The following SHBG variants were observed in gnomAD, a reference collection of about 807,000 sequenced individuals.
SHBG encodes the protein sex hormone-binding globulin.
A neutral mutation model predicts 41.9 loss-of-function variants in SHBG; 37 were observed. The ratio of observed to expected loss-of-function variants is 0.88; its 90% CI spans 0.68 to 1.16. SHBG has a LOEUF of 1.16. Ranked by LOEUF, SHBG falls within the 50% of genes most tolerant of loss-of-function variation. SHBG has a pLI of 0.00. For synonymous variants in SHBG, 217 were observed against 205.8 expected (o/e 1.05, Z -0.47); for missense variants, 466 against 499.9 (o/e 0.93, Z 0.65).
At chr17:7,627,409 T>C (rs151060795), upstream of SHBG, 2 of 1,614,080 alleles carry the variant, frequency 1.2e-6, no homozygotes, top group Non-Finnish European at 1.7e-6. The surrounding 1 kb of genome is among the most constrained non-coding windows in gnomAD (Gnocchi z 4.8). Flanking sequence ...CGAATTCGGC[T>C]AGCTCCTAAG....
rs755347994 is a variant in SHBG at position 7,632,784 on chromosome 17, GC to G, written c.886del (p.Leu296TrpfsTer13). Reference sequence around the variant, plus strand: ...TGTTGTCTTCTGGGTCGGGGCCAGGGCTGGATCTGCCCCTGGTCTTGGGACT... The same window carrying G: ...TGTTGTCTTCTGGGTCGGGGCCAGGGTGGATCTGCCCCTGGTCTTGGGACT... ...VVLSSGSGPG[L>X]DLPLVLGLPL... On this transcript the variant is annotated frameshift_variant, in exon 7 of 8. Transcript: ENST00000380450. LOFTEE classifies it high-confidence loss of function. The G allele has an allele frequency of 1.2e-6, 2 of 1,614,018 alleles. No homozygotes were observed. Among genetic ancestry groups the G allele is most frequent in the East Asian group, 4.5e-5 (2 of 44,888 alleles).
At chr17:7,621,690 T>C (rs1336590032) in intron 1 of SHBG, among the ~76,000 whole-genome samples, 1 of 137,336 alleles carries the variant, frequency 7.3e-6, no homozygotes, top group African/African-American at 2.8e-5. Context: ...ATAAAGTACA[T>C]AATGTATATC....
chr17:7,614,167 T>C, intron 1 of SHBG: 1 of 644,658 alleles, frequency 1.6e-6, no homozygotes, highest in Admixed American at 2.1e-5. Context: ...TAAAGGGGTC[T>C]CTCCTGCGGA....
At chr17:7,629,092 G>A (rs1452003589), upstream of SHBG, among the ~76,000 whole-genome samples, 1 of 151,714 alleles carries the variant, frequency 6.6e-6, no homozygotes, top group Non-Finnish European at 1.5e-5. Flanking sequence ...GTCAGGGAGG[G>A]TCGGGCCTTG....
upstream of SHBG, among the ~76,000 whole-genome samples, chr17:7,629,587 G>A (rs543287952): frequency 8.5e-5 from 13 of 152,092 alleles, no homozygotes; most frequent in South Asian, 2.7e-3. Flanking sequence ...GAAAAGACTG[G>A]GGGAGGAGTT....
chr17:7,625,985 C>T (rs192641154), upstream of SHBG, among the ~76,000 whole-genome samples: 2 of 150,928 alleles, frequency 1.3e-5, no homozygotes, highest in African/African-American at 4.9e-5. Flanking sequence ...GGACGGATCA[C>T]GAGATCAGGA....
chr17:7,631,195 T>C lies in SHBG; in HGVS notation c.394-5T>C. On this transcript the variant is annotated splice_region_variant and splice_polypyrimidine_tract_variant and intron_variant, in intron 3 of 7. Coordinates refer to ENST00000380450, the MANE Select transcript of SHBG (RefSeq NM_001040.5). ...CCTCTGATTTTGCTTCCCACCTTCC[T>C]GCAGGTGGAAGTCAAGATGGAGGGG... The C allele has an allele frequency of 1.9e-6, 3 of 1,546,188 alleles. No individual in the cohort carries two copies. The highest frequency in any genetic ancestry group is 2.6e-6 in the Non-Finnish European group (3 of 1,144,098).
rs1212562557 is a variant in SHBG at position 7,630,156 on chromosome 17, G to A, written c.-17G>A. 1.2e-6 allele frequency: 2 copies of A among 1,604,544 alleles called. No individual in the cohort carries two copies. The highest frequency in any genetic ancestry group is 2.7e-5 in the African/African-American group (2 of 74,882). On this transcript the variant is annotated 5_prime_UTR_variant, in exon 1 of 8. The change creates a new upstream start codon in the 5' untranslated region. Coordinates refer to ENST00000380450, the MANE Select transcript of SHBG (RefSeq NM_001040.5). The surrounding 1 kb of genome is among the most constrained non-coding windows in gnomAD (Gnocchi z 4.6). ...TCCCAAGAGTTGTCTGAGCCGCCGAGTGGACAGTGGCTGATTATGGAGAGC... is the reference window on the plus strand; with the variant it reads ...TCCCAAGAGTTGTCTGAGCCGCCGAATGGACAGTGGCTGATTATGGAGAGC...
chr17:7,632,176 G>A, intron 6 of SHBG, 161 bp downstream of exon 6: 2 of 792,412 alleles, frequency 2.5e-6, no homozygotes, highest in South Asian at 1.6e-5. Flanking sequence ...GCCAGGCATG[G>A]TGGTGCTTGC....
intron 1 of SHBG, among the ~76,000 whole-genome samples, chr17:7,621,156 G>A (rs1435364567): frequency 8.8e-6 from 1 of 113,974 alleles, no homozygotes; most frequent in Admixed American, 8.4e-5. Flanking sequence ...AGCTCAGTTG[G>A]TTAGAGCCAG....
In SHBG at chr17:7,632,034, GCATTGCCTGTATTCA is replaced by G; in HGVS notation, c.852+20_852+34del. The G allele has an allele frequency of 6.2e-7, 1 of 1,611,548 alleles. No individual in the cohort carries two copies. On this transcript the variant is annotated intron_variant, in intron 6 of 7. Transcript: ENST00000380450. ...AGATCAAGTAAAGGGGGACAGTGGG[GCATTGCCTGTATTCA>G]GTGGAGCCTGGAGCAATGAGGGAAG...
At chr17:7,617,149 A>T (rs1487172773) in intron 1 of SHBG, among the ~76,000 whole-genome samples, 4 of 147,880 alleles carry the variant, frequency 2.7e-5, no homozygotes, top group African/African-American at 9.9e-5. Flanking sequence ...ATTTACTTTT[A>T]TTTTTTTTTT....
intron 1 of SHBG, among the ~76,000 whole-genome samples, chr17:7,618,103 CA>C (rs1445221250): frequency 6.6e-6 from 1 of 151,904 alleles, no homozygotes; most frequent in African/African-American, 2.4e-5. Context: ...CCTGTAATCC[CA>C]ACTACTCAGG....
At chr17:7,617,539 G>A (rs2072015851) in intron 1 of SHBG, among the ~76,000 whole-genome samples, 1 of 152,024 alleles carries the variant, frequency 6.6e-6, no homozygotes, top group African/African-American at 2.4e-5. Context: ...GGAGGCAGAG[G>A]TTGCAGTGAG....
intron 1 of SHBG, chr17:7,614,214 A>G: frequency 1.5e-6 from 1 of 680,900 alleles, no homozygotes. Context: ...AATGGCCTGA[A>G]GTTCATTCTC....
At chr17:7,627,138 C>T (rs746196799), upstream of SHBG, 5 of 1,613,990 alleles carry the variant, frequency 3.1e-6, no homozygotes, top group Non-Finnish European at 4.2e-6. The surrounding 1 kb of genome is among the most constrained non-coding windows in gnomAD (Gnocchi z 4.8). Flanking sequence ...GCCAGGTGCT[C>T]TTACCCAGTA....
chr17:7,630,671 T>A lies in SHBG; in HGVS notation c.204-9T>A, dbSNP rs370990496. The A allele has an allele frequency of 4.3e-6, 7 of 1,613,032 alleles. No individual in the cohort carries two copies. The African/African-American group carries it at 9.3e-5, about 22-fold the overall frequency. ...GACATACACAATCTTTCCTTCTGTGTCCTTCCAGAACCTCCTCCTCCTTTG... is the reference window on the plus strand; with the variant it reads ...GACATACACAATCTTTCCTTCTGTGACCTTCCAGAACCTCCTCCTCCTTTG... On this transcript the variant is annotated splice_polypyrimidine_tract_variant and intron_variant, in intron 2 of 7. Transcript: ENST00000380450. The surrounding 1 kb of genome is among the most constrained non-coding windows in gnomAD (Gnocchi z 4.6).
upstream of SHBG, among the ~76,000 whole-genome samples, chr17:7,624,436 G>A (rs1022575438): frequency 1.3e-5 from 2 of 151,798 alleles, no homozygotes; most frequent in Non-Finnish European, 2.9e-5. Context: ...AGTTGAGATG[G>A]GATTTCACCA....
At chr17:7,632,601 A>G in intron 6 of SHBG, 151 bp from the exon 7 acceptor site, 1 of 659,704 alleles carries the variant, frequency 1.5e-6, no homozygotes, top group Non-Finnish European at 2.7e-6. Flanking sequence ...AGCCAAAAAA[A>G]ATTGGGGCAG....
Sources: gnomAD v4.1 joint callset for allele counts (sites outside exome capture counted in the v4.1 genomes callset) on GRCh38, gnomAD v4.1.1 for gene constraint, Gnocchi (gnomAD v3.1) non-coding constraint, MANE v1.5 for transcripts, NCBI Gene and HGNC (gene_info 2026-07-23, HGNC 2026-07-21) for gene names.